The following ATOSA variants were observed in gnomAD, a reference collection of about 807,000 sequenced individuals.
ATOSA encodes atos homolog protein A.
chr15:52,665,031 G>A, the ATOSA span, among the ~76,000 whole-genome samples: 3 of 152,240 alleles, frequency 2.0e-5, no homozygotes, highest in Admixed American at 1.3e-4. Flanking sequence ...AATATTGCAC[G>A]TTCTCACTTG....
At chr15:52,652,415 C>G in the ATOSA span, among the ~76,000 whole-genome samples, 16 of 152,170 alleles carry the variant, frequency 1.1e-4, no homozygotes, top group African/African-American at 3.9e-4. Context: ...AAATCAGGTT[C>G]TACCAAGTGA....
the ATOSA span, among the ~76,000 whole-genome samples, chr15:52,653,852 C>T: frequency 2.6e-5 from 4 of 152,090 alleles, no homozygotes; most frequent in Admixed American, 6.6e-5. Context: ...AGCACCATGC[C>T]CCATTTATAT....
the ATOSA span, among the ~76,000 whole-genome samples, chr15:52,616,909 G>A: frequency 6.6e-6 from 1 of 152,180 alleles, no homozygotes; most frequent in African/African-American, 2.4e-5. Context: ...TAAACCTACT[G>A]AGACAGAACT....
the ATOSA span, among the ~76,000 whole-genome samples, chr15:52,614,664 A>G: frequency 6.6e-6 from 1 of 151,778 alleles, no homozygotes; most frequent in African/African-American, 2.4e-5. Flanking sequence ...CCTTACCAAC[A>G]TGGTGAAACC....
At chr15:52,696,072 C>T in the ATOSA span, among the ~76,000 whole-genome samples, 1 of 152,072 alleles carries the variant, frequency 6.6e-6, no homozygotes, top group Non-Finnish European at 1.5e-5. Flanking sequence ...ATTACGTGGT[C>T]TTATTTATGT....
At chr15:52,608,199 T>G in the ATOSA span, among the ~76,000 whole-genome samples, 4 of 152,164 alleles carry the variant, frequency 2.6e-5, no homozygotes, top group East Asian at 7.7e-4. Context: ...CCTGGGTGCT[T>G]CTGACTAGAA....
chr15:52,653,700 A>G, the ATOSA span, among the ~76,000 whole-genome samples: 1 of 152,222 alleles, frequency 6.6e-6, no homozygotes, highest in African/African-American at 2.4e-5. Context: ...GACTAGTCAC[A>G]GGCCCACTGT....
At chr15:52,611,649 A>G in the ATOSA span, 1 of 1,614,000 alleles carries the variant, frequency 6.2e-7, no homozygotes, top group Non-Finnish European at 8.5e-7. Flanking sequence ...CATTTAGATC[A>G]ATTCCCTCTG....
chr15:52,631,914 CT>C, the ATOSA span, among the ~76,000 whole-genome samples: 9 of 152,040 alleles, frequency 5.9e-5, no homozygotes, highest in Non-Finnish European at 8.8e-5. Flanking sequence ...TTTTTTTAAA[CT>C]TTTCTGTAGA....
chr15:52,611,590 T>A, the ATOSA span: 1 of 1,614,008 alleles, frequency 6.2e-7, no homozygotes, highest in Non-Finnish European at 8.5e-7. Flanking sequence ...AGGAACTGGC[T>A]CCAAGATCCA....
At chr15:52,584,857 G>C in the ATOSA span, 1 of 1,613,432 alleles carries the variant, frequency 6.2e-7, no homozygotes, top group South Asian at 1.1e-5. Flanking sequence ...CTTTGTCGTA[G>C]GAATGTCTGA....
chr15:52,664,934 C>T, the ATOSA span, among the ~76,000 whole-genome samples: 3 of 118,590 alleles, frequency 2.5e-5, no homozygotes, highest in Non-Finnish European at 5.9e-5. Flanking sequence ...GAAACCCTAT[C>T]TCTGGGTGTT....
the ATOSA span, among the ~76,000 whole-genome samples, chr15:52,680,542 T>C: frequency 6.6e-6 from 1 of 152,320 alleles, no homozygotes; most frequent in Non-Finnish European, 1.5e-5. Context: ...TTCCATTTTT[T>C]TGGCCTCAGG....
the ATOSA span, chr15:52,610,467 G>A: frequency 5.7e-6 from 8 of 1,395,880 alleles, no homozygotes; most frequent in South Asian, 6.1e-5. Flanking sequence ...ATGTAAAGCA[G>A]TCATACACTT....
At chr15:52,586,890 A>G in the ATOSA span, 1 of 419,942 alleles carries the variant, frequency 2.4e-6, no homozygotes, top group Non-Finnish European at 3.9e-6. Context: ...CTAAATATGT[A>G]TTGAAGAGTC....
At chr15:52,685,504 G>T in the ATOSA span, among the ~76,000 whole-genome samples, 1 of 151,756 alleles carries the variant, frequency 6.6e-6, no homozygotes, top group African/African-American at 2.4e-5. Flanking sequence ...TGTGATCTTG[G>T]CTTGCTGCAA....
the ATOSA span, chr15:52,593,856 C>T: frequency 1.0e-6 from 1 of 981,578 alleles, no homozygotes; most frequent in Non-Finnish European, 1.5e-6. Flanking sequence ...AAATATATTA[C>T]TATGCTTTCT....
chr15:52,605,141 A>G, the ATOSA span: 1 of 1,606,970 alleles, frequency 6.2e-7, no homozygotes, highest in Non-Finnish European at 8.5e-7. Flanking sequence ...ACAGGGCTTG[A>G]AAGAAGAGGC....
the ATOSA span, among the ~76,000 whole-genome samples, chr15:52,627,216 G>C: frequency 1.3e-5 from 2 of 152,148 alleles, no homozygotes; most frequent in Non-Finnish European, 2.9e-5. Flanking sequence ...ATACCTAAGA[G>C]GGAAGGGAAG....
Sources: allele counts gnomAD v4.1 joint callset (sites outside exome capture counted in the v4.1 genomes callset), GRCh38; gene constraint gnomAD v4.1.1; transcripts MANE v1.5; gene names NCBI Gene and HGNC (gene_info 2026-07-23, HGNC 2026-07-21).